Variants in ITGB3 observed in about 807,000 individuals in gnomAD.
The protein encoded by ITGB3 is integrin beta-3.
In ITGB3, 48 loss-of-function variants were observed where a neutral mutation model predicts 85.8. The ratio of observed to expected loss-of-function variants is 0.56; its 90% CI spans 0.44 to 0.71. The LOEUF is 0.71. ITGB3 is among the 30% of genes least tolerant of loss of function. The probability of loss-of-function intolerance (pLI) is 0.00; values close to 1 mark genes in which losing one functional copy is unlikely to be tolerated. For synonymous variants in ITGB3, 363 were observed against 395.6 expected (o/e 0.92, Z 0.98); for missense variants, 861 against 1,019.1 (o/e 0.84, Z 2.11).
chr17:47,290,936 G>C lies in ITGB3; in HGVS notation c.1126-18G>C, dbSNP rs1445404224. The C allele has an allele frequency of 6.2e-7, 1 of 1,613,740 alleles. No homozygotes were observed. Among genetic ancestry groups the C allele is most frequent in the African/African-American group, 1.3e-5 (1 of 74,868 alleles). On this transcript the variant is annotated intron_variant, in intron 8 of 14. Transcript: ENST00000559488. The stretch of plus-strand genomic sequence containing the variant: ...TTTCAGTTCAATTTCTTGTCTTCTT[G>C]TGCCCCTTTCTGCTCAGAAAATCCG...
In ITGB3 at chr17:47,310,237, C is replaced by A; in HGVS notation, c.*33C>A. On this transcript the variant is annotated 3_prime_UTR_variant, in exon 15 of 15. Transcript: ENST00000559488. ...CAGTCATCCTCAGATCATTATCAGC[C>A]TGTGCCACGATTGCAGGAGTCCCTG... The A allele has an allele frequency of 6.3e-7, 1 of 1,588,854 alleles. No individual in the cohort carries two copies. Among genetic ancestry groups the A allele is most frequent in the Non-Finnish European group, 8.6e-7 (1 of 1,157,098 alleles).
chr17:47,280,764 C>T (rs190262359), intron 2 of ITGB3, among the ~76,000 whole-genome samples: 7 of 152,332 alleles, frequency 4.6e-5, no homozygotes, highest in Admixed American at 2.0e-4. Flanking sequence ...GTCATCCATC[C>T]TTCTCCATCC....
intron 1 of ITGB3, among the ~76,000 whole-genome samples, chr17:47,269,037 G>C (rs1035515773): frequency 6.6e-6 from 1 of 152,158 alleles, no homozygotes; most frequent in Non-Finnish European, 1.5e-5. Context: ...CTTGGGGCTT[G>C]TATCCTCTGA....
At chr17:47,268,561 G>T (rs2065033665) in intron 1 of ITGB3, among the ~76,000 whole-genome samples, 1 of 152,200 alleles carries the variant, frequency 6.6e-6, no homozygotes, top group Non-Finnish European at 1.5e-5. Flanking sequence ...AAATCTTAAA[G>T]CTCCAAAATG....
At chr17:47,254,713 A>G (rs578105207) in intron 1 of ITGB3, among the ~76,000 whole-genome samples, 12 of 152,236 alleles carry the variant, frequency 7.9e-5, no homozygotes, top group South Asian at 6.2e-4. Context: ...CGTCAGGGCA[A>G]TTGGCATTCG....
chr17:47,295,795 C>T (rs984829360), intron 10 of ITGB3, among the ~76,000 whole-genome samples: 2 of 152,128 alleles, frequency 1.3e-5, no homozygotes, highest in Non-Finnish European at 2.9e-5. Flanking sequence ...GGCAGCTCTG[C>T]TGGCTGGCGC....
intron 1 of ITGB3, among the ~76,000 whole-genome samples, chr17:47,255,451 C>T (rs1336780695): frequency 6.6e-6 from 1 of 151,992 alleles, no homozygotes; most frequent in African/African-American, 2.4e-5. Context: ...TTGAGATGGA[C>T]TCTCGCTGTC....
At position 47,313,662 on chromosome 17, in the gene ITGB3, C is replaced by T. The variant is rs1051186544; in HGVS notation, c.*3458C>T. ...CTGCCCCCGGCTGTGGTTGAAATTT[C>T]TTAAGTGCCTTCCTCACTTCCTAAC... On this transcript the variant is annotated 3_prime_UTR_variant, in exon 15 of 15. Coordinates refer to ENST00000559488, the MANE Select transcript of ITGB3 (RefSeq NM_000212.3). Among the ~76,000 whole-genome samples the T allele has an allele frequency of 2.0e-5, 3 of 152,034 alleles. No homozygotes were observed. The highest frequency in any genetic ancestry group is 7.2e-5 in the African/African-American group (3 of 41,400).
chr17:47,257,411 A>G (rs2064994354), intron 1 of ITGB3, among the ~76,000 whole-genome samples: 1 of 152,244 alleles, frequency 6.6e-6, no homozygotes, highest in East Asian at 1.9e-4. Flanking sequence ...CAAGCCCTGT[A>G]TCTGAAAAAA....
At chr17:47,286,967 C>T in intron 5 of ITGB3, 103 bp from the exon 6 acceptor site, 1 of 1,197,052 alleles carries the variant, frequency 8.4e-7, no homozygotes. Flanking sequence ...ATAAGCTGTC[C>T]AGCCCTTTAG....
At position 47,310,985 on chromosome 17, in the gene ITGB3, GCTCTA is replaced by G. The variant is rs1346902796; in HGVS notation, c.*786_*790del. 1.3e-5 allele frequency: 2 copies of G among 154,860 alleles called. No homozygotes were observed. Among genetic ancestry groups the G allele is most frequent in the African/African-American group, 4.8e-5 (2 of 41,440 alleles). The allele number at this position is 154,860 out of a possible 1,614,324, so 9.6% of individuals were successfully genotyped here. A position where few individuals can be genotyped will look rare whatever the true frequency, so the allele number is the denominator to read the frequency against. On this transcript the variant is annotated 3_prime_UTR_variant, in exon 15 of 15. Coordinates refer to ENST00000559488, the MANE Select transcript of ITGB3 (RefSeq NM_000212.3). ...ACCCTTCAGATTTGCCTTATTGGCAGCTCTACTCTGGAGGTTTGTTTAGAAGAAGT... is the reference window on the plus strand; with the variant it reads ...ACCCTTCAGATTTGCCTTATTGGCAGCTCTGGAGGTTTGTTTAGAAGAAGT...
chr17:47,272,675 T>TTCTTTC (rs1490055952), intron 1 of ITGB3, among the ~76,000 whole-genome samples: 1 of 149,158 alleles, frequency 6.7e-6, no homozygotes, highest in Non-Finnish European at 1.5e-5. Flanking sequence ...CTTTCTTTCT[T>TTCTTTC]TCTTTTTTTT....
At chr17:47,271,749 T>A (rs2065044741) in intron 1 of ITGB3, among the ~76,000 whole-genome samples, 1 of 151,076 alleles carries the variant, frequency 6.6e-6, no homozygotes, top group South Asian at 2.1e-4. Context: ...AAACACTTAT[T>A]TATTTATTTA....
At chr17:47,255,237 C>T (rs1003697484) in intron 1 of ITGB3, among the ~76,000 whole-genome samples, 2 of 152,078 alleles carry the variant, frequency 1.3e-5, no homozygotes, top group Non-Finnish European at 2.9e-5. Flanking sequence ...CCTCAGCCTC[C>T]CAAAGTGCTG....
intron 2 of ITGB3, among the ~76,000 whole-genome samples, chr17:47,282,141 G>A (rs890923552): frequency 6.6e-6 from 1 of 152,076 alleles, no homozygotes; most frequent in African/African-American, 2.4e-5. Flanking sequence ...TAGAGACGGG[G>A]TTTCACTAGG....
chr17:47,301,926 G>A (rs1436525057), intron 12 of ITGB3, among the ~76,000 whole-genome samples: 1 of 151,996 alleles, frequency 6.6e-6, no homozygotes, highest in Admixed American at 6.6e-5. Context: ...TTTTCTGAAG[G>A]GTTGTTGAGT....
intron 14 of ITGB3, among the ~76,000 whole-genome samples, chr17:47,308,163 T>A (rs1474407875): frequency 1.4e-5 from 2 of 146,184 alleles, no homozygotes; most frequent in African/African-American, 2.5e-5. Context: ...GTCTCAAAAA[T>A]AATAATAATA....
chr17:47,305,115 C>T (rs1275141853), intron 13 of ITGB3, among the ~76,000 whole-genome samples: 1 of 152,176 alleles, frequency 6.6e-6, no homozygotes, highest in Non-Finnish European at 1.5e-5. Context: ...TCCTGGCACC[C>T]TACCTGCCCT....
chr17:47,260,283 G>A (rs898582175), intron 1 of ITGB3, among the ~76,000 whole-genome samples: 2 of 152,154 alleles, frequency 1.3e-5, no homozygotes, highest in African/African-American at 4.8e-5. Flanking sequence ...TGTCCCAGGG[G>A]CTGCAAAGTG....
Sources: gnomAD v4.1 joint callset for allele counts (sites outside exome capture counted in the v4.1 genomes callset) on GRCh38, gnomAD v4.1.1 for gene constraint, MANE v1.5 for transcripts, NCBI Gene and HGNC (gene_info 2026-07-23, HGNC 2026-07-21) for gene names.